ELAVL2: variants seen among roughly 807,000 people sequenced by gnomAD.
ELAVL2 encodes ELAV like RNA binding protein 2.
ELAVL2 carries 4 observed loss-of-function variants against 34.6 expected under a neutral mutation model. The ratio of observed to expected loss-of-function variants is 0.12; its 90% CI spans 0.06 to 0.26. The LOEUF (loss-of-function observed/expected upper bound fraction) is 0.26. Ranked by LOEUF, ELAVL2 falls within the 10% of genes least tolerant of loss-of-function variation. The pLI is 1.00. For missense variants in ELAVL2, 432 were observed against 442.8 expected (o/e 0.98, Z 0.22); for synonymous variants, 193 against 154.8 (o/e 1.25, Z -1.83).
intron 3 of ELAVL2, 92 bp from the exon 4 acceptor site, chr9:23,705,163 G>A (rs1331898347): frequency 1.4e-6 from 2 of 1,381,884 alleles, no homozygotes; most frequent in African/African-American, 1.5e-5. Context: ...ACTTTCCCAT[G>A]AACAGCATAG....
chr9:23,845,234 T>C, the ELAVL2 span, among the ~76,000 whole-genome samples: 1 of 151,862 alleles, frequency 6.6e-6, no homozygotes, highest in Non-Finnish European at 1.5e-5. Flanking sequence ...CCATAACTTT[T>C]ATATGTATAA....
At chr9:23,756,419 A>C (rs2053568410) in intron 2 of ELAVL2, among the ~76,000 whole-genome samples, 1 of 152,144 alleles carries the variant, frequency 6.6e-6, no homozygotes, top group Non-Finnish European at 1.5e-5. Context: ...GACCTACCTC[A>C]AACAACTGAG....
chr9:23,715,972 A>AGAAAAG (rs1204140500), intron 3 of ELAVL2, among the ~76,000 whole-genome samples: 1 of 152,154 alleles, frequency 6.6e-6, no homozygotes, highest in Non-Finnish European at 1.5e-5. Flanking sequence ...GATCTGACAG[A>AGAAAAG]GAGAAGTACA....
At chr9:23,814,359 AT>A (rs2063421419) in intron 1 of ELAVL2, among the ~76,000 whole-genome samples, 1 of 152,132 alleles carries the variant, frequency 6.6e-6, no homozygotes, top group South Asian at 2.1e-4. Flanking sequence ...CTGACCCCAA[AT>A]TACCAGGACC....
Position 23,701,694 on chromosome 9 carries a change from A to C in ELAVL2, c.488-90T>G, listed in dbSNP as rs916060508. The C allele has an allele frequency of 9.8e-5, 135 of 1,378,832 alleles. No homozygotes were observed. In the Middle Eastern group the frequency reaches 2.0e-3, roughly 21 times the overall value. 85.4% of individuals were successfully genotyped at this position (1,378,832 alleles called of 1,614,324 possible). ...AAGGACACATTAATTTTTCCTTCTC[A>C]AGAACATGTTTTCACCTACATATAA... On this transcript the variant is annotated intron_variant, in intron 4 of 6. Transcript: ENST00000397312.
chr9:23,816,317 T>TAAAAAAAAAAAAAAAA (rs10717104), intron 1 of ELAVL2, among the ~76,000 whole-genome samples: 1 of 44,696 alleles, frequency 2.2e-5, no homozygotes, highest in Non-Finnish European at 3.8e-5. Flanking sequence ...AAGCTTTCAG[T>TAAAAAAAAAAAAAAAA]AAAAAAAAAA....
chr9:23,805,436 T>A (rs1280837365), intron 1 of ELAVL2, among the ~76,000 whole-genome samples: 2 of 152,308 alleles, frequency 1.3e-5, no homozygotes, highest in East Asian at 3.9e-4. Context: ...ACTGCCAACA[T>A]ACCCAAGGTC....
intron 1 of ELAVL2, among the ~76,000 whole-genome samples, chr9:23,768,766 G>C (rs13294073): frequency 0.03 from 4,551 of 152,190 alleles, 86 homozygotes; most frequent in East Asian, 0.074. Flanking sequence ...TATGGATATG[G>C]GCATGTGGAA....
chr9:23,763,254 C>T (rs1342442082), intron 1 of ELAVL2, among the ~76,000 whole-genome samples: 3 of 152,076 alleles, frequency 2.0e-5, no homozygotes, highest in Non-Finnish European at 2.9e-5. Context: ...TCAAACTGTT[C>T]AGGCTACTCT....
intron 1 of ELAVL2, among the ~76,000 whole-genome samples, chr9:23,789,640 A>G (rs2060106814): frequency 6.6e-6 from 1 of 152,180 alleles, no homozygotes. Flanking sequence ...CGCACTCAGC[A>G]GGGTAATCTT....
chr9:23,725,757 T>C (rs1377196836), intron 3 of ELAVL2, among the ~76,000 whole-genome samples: 1 of 152,176 alleles, frequency 6.6e-6, no homozygotes. Flanking sequence ...AATTATTCTC[T>C]CTTCAGGAGA....
chr9:23,764,446 T>C (rs927888054), intron 1 of ELAVL2, among the ~76,000 whole-genome samples: 1 of 152,136 alleles, frequency 6.6e-6, no homozygotes, highest in Non-Finnish European at 1.5e-5. Context: ...ACAGCATCTC[T>C]CTGCTATAGG....
chr9:23,724,547 G>A (rs2044588053), intron 3 of ELAVL2, among the ~76,000 whole-genome samples: 2 of 152,028 alleles, frequency 1.3e-5, no homozygotes, highest in African/African-American at 4.8e-5. Context: ...AATTAAAGCT[G>A]ACAAGAGAGC....
At chr9:23,740,154 T>C (rs540418200) in intron 2 of ELAVL2, among the ~76,000 whole-genome samples, 35 of 152,274 alleles carry the variant, frequency 2.3e-4, no homozygotes, top group African/African-American at 6.3e-4. Flanking sequence ...GTCAGTAAGT[T>C]TGTCGGGGAA....
At chr9:23,775,587 A>C (rs1289974495) in intron 1 of ELAVL2, among the ~76,000 whole-genome samples, 2 of 152,082 alleles carry the variant, frequency 1.3e-5, no homozygotes, top group Admixed American at 1.3e-4. Context: ...GGATCTAACT[A>C]AAATAATGGG....
intron 3 of ELAVL2, among the ~76,000 whole-genome samples, chr9:23,722,227 C>A (rs755686296): frequency 2.5e-4 from 38 of 152,206 alleles, no homozygotes; most frequent in Non-Finnish European, 5.4e-4. Flanking sequence ...AATGTTAACA[C>A]ACATTTCTGT....
intron 1 of ELAVL2, among the ~76,000 whole-genome samples, chr9:23,791,193 CAG>C (rs2060280003): frequency 1.3e-5 from 2 of 152,104 alleles, no homozygotes; most frequent in African/African-American, 4.8e-5. Flanking sequence ...ACTGTACAGA[CAG>C]GGTAAATGGA....
intron 5 of ELAVL2, among the ~76,000 whole-genome samples, chr9:23,699,986 T>C (rs895711915): frequency 1.3e-5 from 2 of 152,092 alleles, no homozygotes; most frequent in African/African-American, 2.4e-5. Context: ...AATTTCCTTC[T>C]CATATCTCAA....
chr9:23,845,351 A>T, the ELAVL2 span, among the ~76,000 whole-genome samples: 1 of 151,844 alleles, frequency 6.6e-6, no homozygotes. Context: ...TAATCATGTA[A>T]TATAAATTTC....
Sources: gnomAD v4.1 joint callset for allele counts (sites outside exome capture counted in the v4.1 genomes callset) on GRCh38, gnomAD v4.1.1 for gene constraint, MANE v1.5 for transcripts, NCBI Gene and HGNC (gene_info 2026-07-23, HGNC 2026-07-21) for gene names.